The following ARHGAP6 variants were observed in gnomAD, a reference collection of about 807,000 sequenced individuals.
ARHGAP6 encodes the protein rho GTPase-activating protein 6.
A neutral mutation model predicts 55.7 loss-of-function variants in ARHGAP6; 16 were observed. The observed-to-expected ratio is 0.29, with a 90% CI of 0.19 to 0.44. The LOEUF is 0.44. Ranked by LOEUF, ARHGAP6 falls within the 20% of genes least tolerant of loss-of-function variation. The probability of loss-of-function intolerance (pLI) is 1.00; values close to 1 mark genes in which losing one functional copy is unlikely to be tolerated. For synonymous variants in ARHGAP6, 382 were observed against 360.9 expected (o/e 1.06, Z -0.66); for missense variants, 698 against 808.9 (o/e 0.86, Z 1.66).
intron 1 of ARHGAP6, among the ~76,000 whole-genome samples, chrX:11,521,180 A>G (rs1397529902): frequency 1.8e-5 from 2 of 111,794 alleles, no homozygotes. Flanking sequence ...CCATTTGTCA[A>G]TTTTGGCTTC....
intron 1 of ARHGAP6, among the ~76,000 whole-genome samples, chrX:11,481,818 T>C (rs2050459376): frequency 8.9e-6 from 1 of 112,666 alleles, no homozygotes; most frequent in South Asian, 3.7e-4. Context: ...AGCTCACTAA[T>C]GGCAGGTAAA....
intron 1 of ARHGAP6, among the ~76,000 whole-genome samples, chrX:11,558,775 G>A (rs1409130032): frequency 3.3e-5 from 3 of 91,994 alleles, no homozygotes; most frequent in Non-Finnish European, 4.1e-5. Context: ...GGCGGAGTTC[G>A]CAGTGAGCCG....
intron 1 of ARHGAP6, among the ~76,000 whole-genome samples, chrX:11,386,143 A>C (rs1569323793): frequency 8.8e-6 from 1 of 113,074 alleles, no homozygotes; most frequent in Admixed American, 9.3e-5. Context: ...AAAGGGGCCA[A>C]ACACTTTGCT....
intron 1 of ARHGAP6, among the ~76,000 whole-genome samples, chrX:11,551,279 A>G (rs1237593296): frequency 1.8e-5 from 2 of 111,697 alleles, no homozygotes; most frequent in African/African-American, 6.5e-5. Context: ...CAAAATTTCT[A>G]TTATGTATAT....
intron 10 of ARHGAP6, among the ~76,000 whole-genome samples, chrX:11,147,018 T>C (rs2045702443): frequency 9.0e-6 from 1 of 111,679 alleles, no homozygotes; most frequent in African/African-American, 3.3e-5. Context: ...AGAACTCTCA[T>C]AACAACATAG....
intron 1 of ARHGAP6, among the ~76,000 whole-genome samples, chrX:11,579,713 T>C (rs1182459715): frequency 8.9e-6 from 1 of 112,359 alleles, no homozygotes; most frequent in Non-Finnish European, 1.9e-5. Flanking sequence ...TATCTCTAAA[T>C]GAATTATTAT....
At chrX:11,199,686 T>C (rs1481007662) in intron 2 of ARHGAP6, among the ~76,000 whole-genome samples, 1 of 112,504 alleles carries the variant, frequency 8.9e-6, no homozygotes, top group East Asian at 2.8e-4. Context: ...AGACAACATC[T>C]TGAAGTCTCC....
chrX:11,548,695 G>C (rs1257226721), intron 1 of ARHGAP6, among the ~76,000 whole-genome samples: 1 of 110,889 alleles, frequency 9.0e-6, no homozygotes, highest in African/African-American at 3.3e-5. Context: ...TGCAACCTCT[G>C]CCTCCCGGGT....
chrX:11,339,765 A>C (rs1278345251), intron 1 of ARHGAP6, among the ~76,000 whole-genome samples: 1 of 110,933 alleles, frequency 9.0e-6, no homozygotes, highest in Admixed American at 9.6e-5. Context: ...CACATCTCCA[A>C]ACGGATGTCT....
chrX:11,181,936 A>G, intron 6 of ARHGAP6, 127 bp downstream of exon 6: 1 of 503,687 alleles, frequency 2.0e-6, no homozygotes, highest in Middle Eastern at 6.6e-4. Flanking sequence ...ATTATATTAT[A>G]ATAGCTTGGA....
intron 1 of ARHGAP6, among the ~76,000 whole-genome samples, chrX:11,469,440 C>T (rs2050326704): frequency 8.9e-6 from 1 of 112,271 alleles, no homozygotes; most frequent in African/African-American, 3.2e-5. Flanking sequence ...CCATACTATA[C>T]TCAAATGTGT....
chrX:11,442,509 C>G (rs1203224126), intron 1 of ARHGAP6, among the ~76,000 whole-genome samples: 1 of 112,016 alleles, frequency 8.9e-6, no homozygotes, highest in African/African-American at 3.2e-5. Context: ...CCCCCAGTCT[C>G]CAGCACTTCT....
intron 1 of ARHGAP6, among the ~76,000 whole-genome samples, chrX:11,262,427 T>C (rs1421563672): frequency 1.8e-5 from 2 of 112,331 alleles, no homozygotes; most frequent in Non-Finnish European, 3.8e-5. Context: ...ACAGACTTGA[T>C]TTTCCCATGA....
chrX:11,467,996 A>G (rs758279079), intron 1 of ARHGAP6, among the ~76,000 whole-genome samples: 667 of 63,779 alleles, frequency 0.01, 4 homozygotes, highest in Non-Finnish European at 0.016. Context: ...ATGAATGAAT[A>G]AATAAATAAA....
At chrX:11,329,060 C>T (rs2048531971) in intron 1 of ARHGAP6, among the ~76,000 whole-genome samples, 1 of 112,037 alleles carries the variant, frequency 8.9e-6, no homozygotes, top group South Asian at 3.7e-4. Context: ...GGAGCTTTTT[C>T]TGTAAATAGC....
At chrX:11,622,101 C>A (rs1461854108) in intron 1 of ARHGAP6, among the ~76,000 whole-genome samples, 2 of 111,741 alleles carry the variant, frequency 1.8e-5, no homozygotes, top group Non-Finnish European at 3.8e-5. Context: ...CTGTTTAACA[C>A]CCACAGGCAC....
chrX:11,461,878 A>G (rs949384257), intron 1 of ARHGAP6, among the ~76,000 whole-genome samples: 1 of 111,650 alleles, frequency 9.0e-6, no homozygotes, highest in African/African-American at 3.3e-5. Flanking sequence ...AAGAAGAAGC[A>G]TATCAGATCT....
rs1479720334 is a variant in ARHGAP6 at position 11,309,691 on chromosome X, T to C, written c.589-54984A>G. ...TGAAAAAAATGCTCACTCACATATC[T>C]GATGAGAGATTTGTATCCAGAATCT... On this transcript the variant is annotated intron_variant, in intron 1 of 12. Transcript: ENST00000337414. Among the ~76,000 whole-genome samples, 3 of 111,738 alleles carry C rather than the reference T, an allele frequency of 2.7e-5. No individual in the cohort carries two copies. In the East Asian group the frequency reaches 8.4e-4, roughly 31 times the overall value.
chrX:11,256,660 T>C (rs1036444457), intron 1 of ARHGAP6, among the ~76,000 whole-genome samples: 1 of 111,662 alleles, frequency 9.0e-6, no homozygotes, highest in African/African-American at 3.3e-5. Flanking sequence ...GAAATAATGA[T>C]AACTGCTAGG....
Sources: allele counts gnomAD v4.1 joint callset (sites outside exome capture counted in the v4.1 genomes callset), GRCh38; gene constraint gnomAD v4.1.1; transcripts MANE v1.5; gene names NCBI Gene and HGNC (gene_info 2026-07-23, HGNC 2026-07-21).